The following SLC35F4 variants were observed in gnomAD, a reference collection of about 807,000 sequenced individuals.
SLC35F4 encodes chromosome 14 open reading frame 36.
SLC35F4 carries 24 observed loss-of-function variants against 44.2 expected under a neutral mutation model. That is an observed-to-expected ratio of 0.54 (90% CI 0.39 to 0.76). SLC35F4 has a LOEUF of 0.76. SLC35F4 is among the 30% of genes least tolerant of loss of function. The pLI, the probability that SLC35F4 is intolerant of heterozygous loss-of-function variation, is 0.00. For synonymous variants in SLC35F4, 238 were observed against 223.6 expected, an observed-to-expected ratio of 1.06 and a Z score of -0.57; for missense variants, 562 against 586.1, an observed-to-expected ratio of 0.96 and a Z score of 0.42.
intron 1 of SLC35F4, among the ~76,000 whole-genome samples, chr14:57,885,300 T>C (rs1248172468): frequency 6.6e-6 from 1 of 152,172 alleles, no homozygotes; most frequent in Non-Finnish European, 1.5e-5. Flanking sequence ...ATGCAGGTAA[T>C]GAAAGGGCTC....
At chr14:57,869,244 T>C (rs1888245712), upstream of SLC35F4, among the ~76,000 whole-genome samples, 2 of 152,018 alleles carry the variant, frequency 1.3e-5, no homozygotes, top group African/African-American at 4.8e-5. Flanking sequence ...AAGTAGTTCA[T>C]GGGATGATCA....
chr14:57,952,974 GAC>G (rs1890168009), intron 1 of SLC35F4, among the ~76,000 whole-genome samples: 5 of 152,100 alleles, frequency 3.3e-5, no homozygotes, highest in Admixed American at 3.3e-4. Flanking sequence ...GCAACCCAAA[GAC>G]ACATGATCAT....
rs76126356 is a variant in SLC35F4, at chr14:57,833,455, T to C, written c.103+32268A>G. Among the ~76,000 whole-genome samples, 1,154 of 152,318 alleles carry C rather than the reference T, an allele frequency of 7.6e-3. 3 individuals are homozygous for C. Among genetic ancestry groups the C allele is most frequent in the Non-Finnish European group, 0.013 (917 of 68,020 alleles). On this transcript the variant is annotated intron_variant, in intron 1 of 7. Transcript: ENST00000556826. Reference sequence around the variant, plus strand: ...GTTGTAAAAGCTCCCCAGGTGATTCTGATGAATCAAAACACAGAAGACTGG... The same window carrying C: ...GTTGTAAAAGCTCCCCAGGTGATTCCGATGAATCAAAACACAGAAGACTGG...
chr14:57,601,657 C>T (rs1395711691), intron 1 of SLC35F4, among the ~76,000 whole-genome samples: 1 of 152,150 alleles, frequency 6.6e-6, no homozygotes, highest in Non-Finnish European at 1.5e-5. Flanking sequence ...CTGTTATAAA[C>T]ATCTTATCCC....
chr14:57,748,014 C>T (rs561291541), intron 1 of SLC35F4, among the ~76,000 whole-genome samples: 60 of 152,308 alleles, frequency 3.9e-4, no homozygotes, highest in Admixed American at 1.6e-3. Context: ...TTTAATCCAT[C>T]CACTTAACTA....
In SLC35F4 at chr14:57,877,848, C is replaced by T. The variant is rs377028811; in HGVS notation, n.282+104065G>A. On this transcript the variant is annotated intron_variant and non_coding_transcript_variant, in intron 1 of 1. Coordinates refer to the SLC35F4 transcript ENST00000556568. ...TACAGGCTTATGCCACCATACCTGG[C>T]TAATTTTTGTATTTTTAGCAGAGAT... 1.1e-4 allele frequency among the ~76,000 whole-genome samples: 16 copies of T among 151,776 alleles called. No homozygotes were observed. The East Asian group carries it at 2.9e-3, about 28-fold the overall frequency.
chr14:57,761,933 T>C (rs1414471844), intron 1 of SLC35F4, among the ~76,000 whole-genome samples: 2 of 152,128 alleles, frequency 1.3e-5, no homozygotes, highest in Admixed American at 6.6e-5. Flanking sequence ...GTTGAGAGGC[T>C]CACAGAACTG....
intron 1 of SLC35F4, among the ~76,000 whole-genome samples, chr14:57,834,833 A>G (rs555692498): frequency 2.3e-4 from 35 of 152,272 alleles, no homozygotes; most frequent in Admixed American, 3.9e-4. Flanking sequence ...CAGCATGGCC[A>G]GCATGGCCAG....
At chr14:57,972,416 T>C (rs897552648), downstream of SLC35F4, among the ~76,000 whole-genome samples, 2 of 151,448 alleles carry the variant, frequency 1.3e-5, no homozygotes, top group Non-Finnish European at 2.9e-5. Flanking sequence ...ACAGAAGAGA[T>C]GGAGAGAACA....
chr14:57,921,072 T>C (rs868495810), intron 1 of SLC35F4, among the ~76,000 whole-genome samples: 1 of 152,238 alleles, frequency 6.6e-6, no homozygotes, highest in Non-Finnish European at 1.5e-5. Flanking sequence ...TTTGTACTCT[T>C]TTCACATTTT....
chr14:57,967,007 C>T (rs1376394001), intron 1 of SLC35F4, among the ~76,000 whole-genome samples: 3 of 148,236 alleles, frequency 2.0e-5, no homozygotes, highest in Non-Finnish European at 4.5e-5. Flanking sequence ...AAGACTCCAT[C>T]TCAAAAAAAA....
intron 1 of SLC35F4, among the ~76,000 whole-genome samples, chr14:57,629,227 C>A (rs2140122266): frequency 6.6e-6 from 1 of 152,264 alleles, no homozygotes; most frequent in East Asian, 1.9e-4. Context: ...CTGAAAGCTA[C>A]AAGGACTGGT....
intron 1 of SLC35F4, among the ~76,000 whole-genome samples, chr14:57,621,681 G>A (rs944168408): frequency 1.3e-5 from 2 of 152,254 alleles, no homozygotes; most frequent in African/African-American, 4.8e-5. Context: ...ATGGATTAAA[G>A]ACTTAAACGT....
intron 1 of SLC35F4, among the ~76,000 whole-genome samples, chr14:57,650,619 C>T (rs1027508445): frequency 6.6e-6 from 1 of 152,158 alleles, no homozygotes; most frequent in African/African-American, 2.4e-5. Flanking sequence ...TTCACCTATA[C>T]TTCACATAGT....
intron 1 of SLC35F4, among the ~76,000 whole-genome samples, chr14:57,946,340 AT>A (rs1890025163): frequency 6.6e-6 from 1 of 151,740 alleles, no homozygotes; most frequent in Admixed American, 6.6e-5. Context: ...ATTCTTCTAC[AT>A]GTGGCTGGCC....
chr14:57,779,919 T>C (rs1047370954), intron 1 of SLC35F4, among the ~76,000 whole-genome samples: 2 of 152,132 alleles, frequency 1.3e-5, no homozygotes, highest in Non-Finnish European at 2.9e-5. Flanking sequence ...AACTAGGTAT[T>C]GATGGAATAT....
intron 1 of SLC35F4, among the ~76,000 whole-genome samples, chr14:57,764,191 C>T (rs2077185350): frequency 6.6e-6 from 1 of 152,100 alleles, no homozygotes; most frequent in Non-Finnish European, 1.5e-5. Flanking sequence ...CCTAGCAACC[C>T]ATAGAATCAT....
At position 57,740,732 on chromosome 14, in the gene SLC35F4, T is replaced by C. The variant is rs535508480; in HGVS notation, c.103+124991A>G. 2.0e-5 allele frequency among the ~76,000 whole-genome samples: 3 copies of C among 152,340 alleles called. No individual in the cohort carries two copies. The South Asian group carries it at 6.2e-4, about 32-fold the overall frequency. On this transcript the variant is annotated intron_variant, in intron 1 of 7. Transcript: ENST00000556826. The stretch of plus-strand genomic sequence containing the variant: ...ACACTGATTTGATATTTACAGATCA[T>C]ATGAATATATTATCACATGTATTCA...
At chr14:57,590,428 A>T (rs1440766634) in intron 2 of SLC35F4, among the ~76,000 whole-genome samples, 1 of 152,048 alleles carries the variant, frequency 6.6e-6, no homozygotes, top group Non-Finnish European at 1.5e-5. Flanking sequence ...ATTAAAAGTA[A>T]TGTGTCCCAA....
Sources: gnomAD v4.1 joint callset for allele counts (sites outside exome capture counted in the v4.1 genomes callset) on GRCh38, gnomAD v4.1.1 for gene constraint, MANE v1.5 for transcripts, NCBI Gene and HGNC (gene_info 2026-07-23, HGNC 2026-07-21) for gene names.